Variants in C19orf44 observed in about 807,000 individuals in gnomAD.
The protein encoded by C19orf44 is chromosome 19 open reading frame 44.
In C19orf44, 43 loss-of-function variants were observed where a neutral mutation model predicts 50.7. The ratio of observed to expected loss-of-function variants is 0.85; its 90% CI spans 0.66 to 1.09. The LOEUF (loss-of-function observed/expected upper bound fraction) is 1.09. Among genes scored for constraint, C19orf44 ranks in the 50% least tolerant of loss-of-function variants. C19orf44 has a pLI of 0.00. For missense variants in C19orf44, 722 were observed against 836.2 expected (o/e 0.86, Z 1.68); for synonymous variants, 298 against 334.7 (o/e 0.89, Z 1.20).
chr19:16,510,792 G>A (rs552367893), intron 5 of C19orf44, among the ~76,000 whole-genome samples: 109 of 152,214 alleles, frequency 7.2e-4, no homozygotes, highest in African/African-American at 2.5e-3. Context: ...CTGGAGTACA[G>A]TGACCCAATC....
At chr19:16,518,564 C>G (rs1375838919) in intron 8 of C19orf44, 1 of 152,818 alleles carries the variant, frequency 6.5e-6, no homozygotes, top group Non-Finnish European at 1.5e-5. Flanking sequence ...ATTCTTCTTT[C>G]TAGACCTAAA....
chr19:16,500,022 C>T (rs185944930), intron 1 of C19orf44, among the ~76,000 whole-genome samples: 3 of 152,162 alleles, frequency 2.0e-5, no homozygotes, highest in Non-Finnish European at 2.9e-5. Context: ...CTTATGACCT[C>T]GTGATCCACC....
intron 6 of C19orf44, 144 bp downstream of exon 6, chr19:16,513,253 G>C: frequency 2.6e-6 from 2 of 758,888 alleles, no homozygotes; most frequent in Non-Finnish European, 4.3e-6. Flanking sequence ...GCAGCCACAG[G>C]CACCTGCCAT....
At position 16,519,488 on chromosome 19, in the gene C19orf44, G is replaced by A. The variant is rs920722955; in HGVS notation, c.*41-606G>A. The A allele has an allele frequency of 4.0e-6, 5 of 1,247,966 alleles. No individual in the cohort carries two copies. In the East Asian group the frequency reaches 9.3e-5, roughly 23 times the overall value. 77.3% of individuals were successfully genotyped at this position (1,247,966 alleles called of 1,614,324 possible). On this transcript the variant is annotated intron_variant, in intron 8 of 8. Coordinates refer to ENST00000221671, the MANE Select transcript of C19orf44 (RefSeq NM_032207.4). The surrounding 1 kb of genome is among the most constrained non-coding windows in gnomAD (Gnocchi z 6.0). Reference sequence around the variant, plus strand: ...AACCCGCAGGCCGGCCCTGTCTAGAGGGTCTGGGTGGAGTCAGAACCGGCC... The same window carrying A: ...AACCCGCAGGCCGGCCCTGTCTAGAAGGTCTGGGTGGAGTCAGAACCGGCC...
At chr19:16,515,756 CATT>C (rs2093469713) in intron 7 of C19orf44, among the ~76,000 whole-genome samples, 1 of 151,196 alleles carries the variant, frequency 6.6e-6, no homozygotes, top group Non-Finnish European at 1.5e-5. Flanking sequence ...ATAGAAATGG[CATT>C]ATACTATATG....
Position 16,502,824 on chromosome 19 carries a change from C to CA in C19orf44, c.760-225dup, listed in dbSNP as rs200824240. On this transcript the variant is annotated intron_variant, in intron 2 of 8. Transcript: ENST00000221671. ...GGCAACATGGCAAAACCCATTCCTACAAAAAAAAAAAAAAAATTAGCCAGG... is the reference window on the plus strand; with the variant it reads ...GGCAACATGGCAAAACCCATTCCTACAAAAAAAAAAAAAAAAATTAGCCAGG... 8.6e-3 allele frequency among the ~76,000 whole-genome samples: 1,061 copies of CA among 122,858 alleles called. 7 individuals are homozygous for CA. The highest frequency in any genetic ancestry group is 0.025 in the African/African-American group (810 of 32,970). The allele number at this position is 122,858 out of a possible 152,430, so 80.6% of individuals were successfully genotyped here.
Position 16,513,088 on chromosome 19 carries a change from A to G in C19orf44, c.1714A>G (p.Ile572Val), listed in dbSNP as rs748851262. Residue 572 changes from isoleucine (I) to valine (V), a missense_variant, in exon 6 of 9, where the codon ATC becomes GTC. Coordinates refer to ENST00000221671, the MANE Select transcript of C19orf44 (RefSeq NM_032207.4). ...VDPTPIANHV[I>V]SADAIEALTA... ...CCCGACACCCATCGCCAATCATGTT[A>G]TCAGTGCAGATGCAATAGAAGGTAA... 1.2e-6 allele frequency: 2 copies of G among 1,613,922 alleles called. No individual in the cohort carries two copies. The highest frequency in any genetic ancestry group is 1.7e-6 in the Non-Finnish European group (2 of 1,180,024).
At position 16,501,030 on chromosome 19, in the gene C19orf44, A is replaced by G. The variant is rs2093423660; in HGVS notation, c.238A>G (p.Arg80Gly). 6.2e-7 allele frequency: 1 copy of G among 1,614,138 alleles called. No homozygotes were observed. Among genetic ancestry groups the G allele is most frequent in the Admixed American group, 1.7e-5 (1 of 59,992 alleles). The part of the protein sequence containing the change: ...LGSGPRLASC[R>G]PPTTASRIRA... ...GAGTGGACCCAGGCTTGCCTCATGT[A>G]GACCGCCCACCACTGCCTCCAGGAT... The change falls in exon 2 of 9, where the codon AGA becomes GGA. Residue 80 changes from arginine (R) to glycine (G), a missense_variant. Physicochemically the swap from Arg to Gly is moderately radical, Grantham distance 125 (BLOSUM62 -2). Coordinates refer to ENST00000221671, the MANE Select transcript of C19orf44 (RefSeq NM_032207.4).
At chr19:16,498,726 A>C (rs1206025556) in intron 1 of C19orf44, among the ~76,000 whole-genome samples, 1 of 150,998 alleles carries the variant, frequency 6.6e-6, no homozygotes, top group Admixed American at 6.6e-5. Flanking sequence ...GCTGGAGTGC[A>C]ATGGCGCGAT....
chr19:16,504,497 T>A (rs960402637), intron 3 of C19orf44, among the ~76,000 whole-genome samples: 1 of 152,008 alleles, frequency 6.6e-6, no homozygotes, highest in African/African-American at 2.4e-5. Flanking sequence ...CCCTGCCACC[T>A]CCCACCCCTT....
chr19:16,498,643 G>A (rs573029531), intron 1 of C19orf44, among the ~76,000 whole-genome samples: 6 of 151,908 alleles, frequency 3.9e-5, no homozygotes, highest in Non-Finnish European at 8.8e-5. Context: ...CCATGCTAGG[G>A]GATGTGAAGT....
At chr19:16,502,814 C>A (rs1348124536) in intron 2 of C19orf44, among the ~76,000 whole-genome samples, 4 of 149,256 alleles carry the variant, frequency 2.7e-5, no homozygotes, top group African/African-American at 9.9e-5. Flanking sequence ...CATGGCAAAA[C>A]CCATTCCTAC....
Position 16,514,481 on chromosome 19 carries a change from C to T in C19orf44, c.1736-16C>T, listed in dbSNP as rs535908648. 5.0e-6 allele frequency: 8 copies of T among 1,586,078 alleles called. No homozygotes were observed. Among genetic ancestry groups the T allele is most frequent in the South Asian group, 3.4e-5 (3 of 88,870 alleles). ...GGGCCCCAGCGAAGCCACCGAGTAA[C>T]GCGGAGCTGGGTCAGCCCTGACCGC... On this transcript the variant is annotated splice_polypyrimidine_tract_variant and intron_variant, in intron 6 of 8. Transcript: ENST00000221671.
At chr19:16,503,785 G>C (rs2093432516) in intron 3 of C19orf44, among the ~76,000 whole-genome samples, 1 of 152,094 alleles carries the variant, frequency 6.6e-6, no homozygotes, top group Non-Finnish European at 1.5e-5. Flanking sequence ...GGCTGATCTT[G>C]AGTTCCTGGC....
chr19:16,519,911 C>T lies in C19orf44; in HGVS notation c.*41-183C>T, dbSNP rs1029618007. ...GCTCCAGACGCTGGCCCCCACCCCA[C>T]GCTCAGCATTGAGAGCAGGACACCT... On this transcript the variant is annotated intron_variant, in intron 8 of 8. Transcript: ENST00000221671. The surrounding 1 kb of genome is among the most constrained non-coding windows in gnomAD (Gnocchi z 6.0). The T allele has an allele frequency of 7.2e-5, 48 of 664,506 alleles. No homozygotes were observed. Among genetic ancestry groups the T allele is most frequent in the Non-Finnish European group, 1.1e-4 (43 of 382,374 alleles). 41.2% of individuals were successfully genotyped at this position (664,506 alleles called of 1,614,324 possible). A position where few individuals can be genotyped will look rare whatever the true frequency, so the allele number is the denominator to read the frequency against.
At position 16,520,018 on chromosome 19, in the gene C19orf44, G is replaced by A; in HGVS notation, c.*41-76G>A. The A allele has an allele frequency of 4.2e-6, 4 of 946,840 alleles. No homozygotes were observed. The South Asian group carries it at 6.1e-5, about 14-fold the overall frequency. The allele number at this position is 946,840 out of a possible 1,614,324, so 58.7% of individuals were successfully genotyped here. Reference sequence around the variant, plus strand: ...GTGGCTACTGTGGTGAAGGGTGAGGGGTGCCACTGTCCCCGGGCTAATGCT... The same window carrying A: ...GTGGCTACTGTGGTGAAGGGTGAGGAGTGCCACTGTCCCCGGGCTAATGCT... On this transcript the variant is annotated intron_variant, in intron 8 of 8. Coordinates refer to ENST00000221671, the MANE Select transcript of C19orf44 (RefSeq NM_032207.4). This position sits in a 1 kb window ranked among gnomAD's most constrained non-coding sequence, Gnocchi z 4.0.
In C19orf44 at chr19:16,503,863, C is replaced by T. The variant is rs111871891; in HGVS notation, c.1075+483C>T. 4.8e-3 allele frequency among the ~76,000 whole-genome samples: 731 copies of T among 152,318 alleles called. 4 individuals are homozygous for T. Among genetic ancestry groups the T allele is most frequent in the African/African-American group, 0.016 (679 of 41,578 alleles). On this transcript the variant is annotated intron_variant, in intron 3 of 8. Coordinates refer to ENST00000221671, the MANE Select transcript of C19orf44 (RefSeq NM_032207.4). ...TACAAGTGTGAGCCACTACACCTGG[C>T]TTACCAACTCATCTCTTGAGTCAAT...
At position 16,501,371 on chromosome 19, in the gene C19orf44, G is replaced by C. The variant is rs1165102409; in HGVS notation, c.579G>C (p.Glu193Asp). 2.5e-6 allele frequency: 4 copies of C among 1,614,060 alleles called. No homozygotes were observed. The South Asian group carries it at 3.3e-5, about 13-fold the overall frequency. ...NISPEAPAGK[E>D]RTLQTPKQKE... ...CCCCTGAAGCACCTGCTGGGAAAGA[G>C]AGGACTTTGCAAACCCCCAAACAGA... is the stretch of plus-strand genomic sequence containing the variant. The change falls in exon 2 of 9, where the codon GAG becomes GAC. Residue 193 changes from glutamate (E) to aspartate (D), a missense_variant. By Grantham distance (45) the Glu-to-Asp change is conservative. Coordinates refer to ENST00000221671, the MANE Select transcript of C19orf44 (RefSeq NM_032207.4).
In C19orf44 at chr19:16,520,659, G is replaced by T; in HGVS notation, c.*606G>T. On this transcript the variant is annotated 3_prime_UTR_variant, in exon 9 of 9. Transcript: ENST00000221671. This position sits in a 1 kb window ranked among gnomAD's most constrained non-coding sequence, Gnocchi z 4.0. ...AGCAACGGTACCAAGTTCCTAAATAGTGTGGCCGAGCCTGCTGCTGTGTGA... is the reference window on the plus strand; with the variant it reads ...AGCAACGGTACCAAGTTCCTAAATATTGTGGCCGAGCCTGCTGCTGTGTGA... 1 of 1,142,876 alleles carries T rather than the reference G, an allele frequency of 8.7e-7. No individual in the cohort carries two copies. 70.8% of individuals were successfully genotyped at this position (1,142,876 alleles called of 1,614,324 possible). A position where few individuals can be genotyped will look rare whatever the true frequency, so the allele number is the denominator to read the frequency against.
Sources: allele counts gnomAD v4.1 joint callset (sites outside exome capture counted in the v4.1 genomes callset), GRCh38; gene constraint gnomAD v4.1.1; non-coding constraint Gnocchi (gnomAD v3.1); transcripts MANE v1.5; gene names NCBI Gene and HGNC (gene_info 2026-07-23, HGNC 2026-07-21).